The following CTNNA3 variants were observed in gnomAD, a reference collection of about 807,000 sequenced individuals.
CTNNA3 encodes catenin alpha 3.
A neutral mutation model predicts 95.7 loss-of-function variants in CTNNA3; 76 were observed. That is an observed-to-expected ratio of 0.79 (90% CI 0.66 to 0.96). The LOEUF (loss-of-function observed/expected upper bound fraction) is 0.96. CTNNA3 is among the 40% of genes least tolerant of loss of function. The pLI, the probability that CTNNA3 is intolerant of heterozygous loss-of-function variation, is 0.00. For synonymous variants in CTNNA3, 431 were observed against 374.4 expected, an observed-to-expected ratio of 1.15 and a Z score of -1.74; for missense variants, 1,191 against 1,089.8, an observed-to-expected ratio of 1.09 and a Z score of -1.31.
intron 1 of CTNNA3, among the ~76,000 whole-genome samples, chr10:67,659,275 C>A (rs1840112516): frequency 6.6e-6 from 1 of 152,072 alleles, no homozygotes; most frequent in Non-Finnish European, 1.5e-5. Context: ...TCTGACTTAC[C>A]TGAAAAGTAA....
intron 1 of CTNNA3, among the ~76,000 whole-genome samples, chr10:67,714,104 G>A (rs1184041614): frequency 1.3e-5 from 2 of 152,192 alleles, no homozygotes; most frequent in Admixed American, 1.3e-4. Flanking sequence ...GGAAATGTGG[G>A]ACTGGAGCCC....
intron 3 of CTNNA3, among the ~76,000 whole-genome samples, chr10:67,540,307 T>G (rs1487834735): frequency 6.6e-6 from 1 of 151,982 alleles, no homozygotes. Flanking sequence ...ATGAAAATAT[T>G]TAATAAAAAA....
At chr10:66,071,194 G>A (rs544215992) in intron 14 of CTNNA3, among the ~76,000 whole-genome samples, 58 of 152,268 alleles carry the variant, frequency 3.8e-4, no homozygotes, top group African/African-American at 1.3e-3. Flanking sequence ...GAGGTACAAA[G>A]CTTAAGAAAA....
chr10:67,187,457 A>T (rs1862906398), intron 6 of CTNNA3, among the ~76,000 whole-genome samples: 1 of 151,990 alleles, frequency 6.6e-6, no homozygotes, highest in Non-Finnish European at 1.5e-5. Flanking sequence ...GAGTCTCATT[A>T]TGTTTTTCCA....
At chr10:66,105,868 A>G (rs2081879303) in intron 13 of CTNNA3, among the ~76,000 whole-genome samples, 1 of 152,232 alleles carries the variant, frequency 6.6e-6, no homozygotes, top group Non-Finnish European at 1.5e-5. Context: ...AGTGGAAACT[A>G]AGAAAGAGAA....
intron 7 of CTNNA3, among the ~76,000 whole-genome samples, chr10:66,992,886 C>T (rs1424412752): frequency 1.3e-5 from 2 of 151,946 alleles, no homozygotes; most frequent in Non-Finnish European, 2.9e-5. Context: ...GGCTTTGTAT[C>T]CTCTTCAATT....
chr10:66,733,323 T>G (rs10762101), intron 9 of CTNNA3, among the ~76,000 whole-genome samples: 92,141 of 151,790 alleles, frequency 0.61, 28,458 homozygotes, highest in East Asian at 0.74. Flanking sequence ...TGTGCTAAGT[T>G]TTAATGCAAA....
At chr10:66,136,608 C>G (rs2083364961) in intron 13 of CTNNA3, among the ~76,000 whole-genome samples, 1 of 152,014 alleles carries the variant, frequency 6.6e-6, no homozygotes, top group Non-Finnish European at 1.5e-5. Context: ...TATCATAAAC[C>G]ATGTTCTGAT....
chr10:66,202,079 C>A (rs1037738737), intron 13 of CTNNA3, among the ~76,000 whole-genome samples: 2 of 152,172 alleles, frequency 1.3e-5, no homozygotes, highest in Non-Finnish European at 2.9e-5. Context: ...AGCCACCACA[C>A]CTGGCCTTGC....
intron 15 of CTNNA3, among the ~76,000 whole-genome samples, chr10:66,022,582 C>T (rs1024919879): frequency 6.6e-6 from 1 of 151,114 alleles, no homozygotes; most frequent in Non-Finnish European, 1.5e-5. Context: ...TAGCATGACA[C>T]CCAGGATATG....
At chr10:66,078,715 A>T (rs1262983604) in intron 14 of CTNNA3, among the ~76,000 whole-genome samples, 1 of 151,952 alleles carries the variant, frequency 6.6e-6, no homozygotes, top group East Asian at 1.9e-4. Flanking sequence ...ATTTAATTGC[A>T]TTGTGTTTTC....
intron 9 of CTNNA3, among the ~76,000 whole-genome samples, chr10:66,685,629 C>G (rs539841338): frequency 1.5e-4 from 23 of 151,420 alleles, no homozygotes; most frequent in African/African-American, 5.6e-4. Flanking sequence ...ACCTCGGCCT[C>G]CCAAAGTGCT....
intron 9 of CTNNA3, among the ~76,000 whole-genome samples, chr10:66,683,291 G>A (rs1478308907): frequency 6.6e-6 from 1 of 152,154 alleles, no homozygotes; most frequent in African/African-American, 2.4e-5. Context: ...TGGGATGTAT[G>A]AAAAACCTTC....
At chr10:67,350,875 A>G (rs1244753209) in intron 5 of CTNNA3, among the ~76,000 whole-genome samples, 2 of 26,050 alleles carry the variant, frequency 7.7e-5, no homozygotes, top group Admixed American at 8.5e-4. Flanking sequence ...CTCTATTCAT[A>G]CAAAAAAAAA....
At chr10:65,988,658 G>A (rs777859135) in intron 16 of CTNNA3, 34 bp downstream of exon 16, 5 of 1,536,626 alleles carry the variant, frequency 3.3e-6, no homozygotes, top group Non-Finnish European at 1.8e-6. Flanking sequence ...CAATTAGCAT[G>A]AACTTTTATG....
intron 9 of CTNNA3, among the ~76,000 whole-genome samples, chr10:66,685,160 C>A: frequency 7.7e-6 from 1 of 129,224 alleles, no homozygotes; most frequent in African/African-American, 3.0e-5. Flanking sequence ...TATATATACA[C>A]GTATATATAT....
intron 7 of CTNNA3, among the ~76,000 whole-genome samples, chr10:67,144,347 GCTACATTAGCAT>G (rs1168821912): frequency 6.6e-6 from 1 of 152,200 alleles, no homozygotes; most frequent in Admixed American, 6.5e-5. Flanking sequence ...AAAGTCACCA[GCTACATTAGCAT>G]CTAACAAAAG....
At chr10:67,685,459 A>G (rs1176067448) in intron 1 of CTNNA3, among the ~76,000 whole-genome samples, 2 of 152,236 alleles carry the variant, frequency 1.3e-5, no homozygotes, top group Non-Finnish European at 2.9e-5. Flanking sequence ...AGGAGGAACC[A>G]TCTATCGTCC....
At chr10:66,737,085 G>A (rs535532901) in intron 9 of CTNNA3, among the ~76,000 whole-genome samples, 262 of 152,112 alleles carry the variant, frequency 1.7e-3, no homozygotes, top group Non-Finnish European at 2.7e-3. Context: ...ATTTTTAAGC[G>A]CATTCTTAAA....
Sources: allele counts gnomAD v4.1 joint callset (sites outside exome capture counted in the v4.1 genomes callset), GRCh38; gene constraint gnomAD v4.1.1; transcripts MANE v1.5; gene names NCBI Gene and HGNC (gene_info 2026-07-23, HGNC 2026-07-21).